CLCN3: variants seen among roughly 807,000 people sequenced by gnomAD.
CLCN3 encodes Cl-/H+ antiporter 3.
CLCN3 carries 16 observed loss-of-function variants against 83.4 expected under a neutral mutation model. The ratio of observed to expected loss-of-function variants is 0.19; its 90% confidence interval spans 0.13 to 0.29. The LOEUF is 0.29. CLCN3 is among the 10% of genes least tolerant of loss of function. CLCN3 has a pLI of 1.00. For synonymous variants in CLCN3, 322 were observed against 346.2 expected, an observed-to-expected ratio of 0.93 and a Z score of 0.78; for missense variants, 544 against 1,006.0, an observed-to-expected ratio of 0.54 and a Z score of 6.21.
At chr4:169,646,731 C>T (rs778463592) in intron 2 of CLCN3, among the ~76,000 whole-genome samples, 1 of 152,104 alleles carries the variant, frequency 6.6e-6, no homozygotes, top group South Asian at 2.1e-4. Flanking sequence ...AAGGGCCCAC[C>T]AAAATGGTAG....
chr4:169,719,178 G>A (rs1171838139), intron 12 of CLCN3, among the ~76,000 whole-genome samples: 2 of 152,310 alleles, frequency 1.3e-5, no homozygotes, highest in African/African-American at 4.8e-5. Flanking sequence ...TTAAAAAAGG[G>A]AAAGTGGCTG....
chr4:169,699,985 T>C (rs1009288891), intron 9 of CLCN3, among the ~76,000 whole-genome samples: 1 of 152,206 alleles, frequency 6.6e-6, no homozygotes, highest in African/African-American at 2.4e-5. Context: ...AAAGCTCTTT[T>C]TCCTACAATA....
Position 169,631,094 on chromosome 4 carries a change from A to G in CLCN3, c.-16-4819A>G, listed in dbSNP as rs116305578. On this transcript the variant is annotated intron_variant, in intron 1 of 12. Transcript: ENST00000513761. ...CCCACTGACAGTGTATAAGCATTCCATAGCCTTGCCAGCATCTGTTGTTTT... is the reference window on the plus strand; with the variant it reads ...CCCACTGACAGTGTATAAGCATTCCGTAGCCTTGCCAGCATCTGTTGTTTT... 6.7e-3 allele frequency among the ~76,000 whole-genome samples: 1,023 copies of G among 152,284 alleles called. 5 individuals are homozygous for G. The highest frequency in any genetic ancestry group is 0.011 in the Non-Finnish European group (743 of 68,014).
intron 1 of CLCN3, among the ~76,000 whole-genome samples, chr4:169,631,691 G>C (rs1014984884): frequency 1.3e-5 from 2 of 152,176 alleles, no homozygotes; most frequent in Admixed American, 1.3e-4. Context: ...TAGATTAACA[G>C]AGAAAGAGAC....
intron 5 of CLCN3, 83 bp downstream of exon 5, chr4:169,689,313 A>T: frequency 8.7e-7 from 1 of 1,153,272 alleles, no homozygotes; most frequent in East Asian, 2.5e-5. Flanking sequence ...AACTAATCAC[A>T]TATTAGATGA....
intron 11 of CLCN3, among the ~76,000 whole-genome samples, chr4:169,710,366 G>A (rs536216022): frequency 3.9e-5 from 6 of 152,202 alleles, no homozygotes; most frequent in East Asian, 3.9e-4. Flanking sequence ...CCTGGCATCC[G>A]GTGATCCTCC....
At chr4:169,648,379 A>G (rs1421164459) in intron 2 of CLCN3, among the ~76,000 whole-genome samples, 2 of 152,198 alleles carry the variant, frequency 1.3e-5, no homozygotes, top group African/African-American at 4.8e-5. Flanking sequence ...GTTTATTTTT[A>G]AAAATGGACT....
chr4:169,623,400 CATT>C (rs908117865), intron 1 of CLCN3, among the ~76,000 whole-genome samples: 2 of 152,100 alleles, frequency 1.3e-5, no homozygotes, highest in Non-Finnish European at 2.9e-5. Context: ...GACAGATAAT[CATT>C]GTGTATATTT....
At chr4:169,697,009 A>T (rs890168017) in intron 8 of CLCN3, among the ~76,000 whole-genome samples, 180 bp from the exon 9 acceptor site, 7 of 152,080 alleles carry the variant, frequency 4.6e-5, no homozygotes, top group African/African-American at 1.7e-4. Context: ...TGTAATGATG[A>T]TCACCATCTC....
intron 2 of CLCN3, among the ~76,000 whole-genome samples, chr4:169,675,598 T>A (rs1483798654): frequency 6.6e-6 from 1 of 152,238 alleles, no homozygotes; most frequent in Non-Finnish European, 1.5e-5. Flanking sequence ...TGAGTAATTT[T>A]TGGCATTAAA....
chr4:169,631,845 A>G (rs923091661), intron 1 of CLCN3, among the ~76,000 whole-genome samples: 1 of 152,178 alleles, frequency 6.6e-6, no homozygotes, highest in Non-Finnish European at 1.5e-5. Context: ...TAAATTCTGG[A>G]AACAGCCTCC....
At chr4:169,661,941 A>G (rs1387579821) in intron 2 of CLCN3, among the ~76,000 whole-genome samples, 1 of 152,142 alleles carries the variant, frequency 6.6e-6, no homozygotes, top group African/African-American at 2.4e-5. Flanking sequence ...CAGTAATTAA[A>G]CTGTAAAACA....
At chr4:169,683,570 A>G (rs1288121673) in intron 3 of CLCN3, among the ~76,000 whole-genome samples, 1 of 152,114 alleles carries the variant, frequency 6.6e-6, no homozygotes, top group African/African-American at 2.4e-5. Flanking sequence ...AAACATTGCA[A>G]ATAGTATAGC....
At chr4:169,710,636 A>G (rs908199644) in intron 11 of CLCN3, among the ~76,000 whole-genome samples, 2 of 152,214 alleles carry the variant, frequency 1.3e-5, no homozygotes, top group Non-Finnish European at 2.9e-5. Flanking sequence ...TACTTTGTAT[A>G]TAAGAGAAAC....
intron 2 of CLCN3, among the ~76,000 whole-genome samples, chr4:169,655,899 T>G (rs1402693224): frequency 6.6e-6 from 1 of 152,226 alleles, no homozygotes; most frequent in Non-Finnish European, 1.5e-5. Flanking sequence ...AAACTAAAAC[T>G]TCTTATGTTT....
chr4:169,722,718 A>G lies in CLCN3; in HGVS notation c.*2721A>G, dbSNP rs959226426. On this transcript the variant is annotated 3_prime_UTR_variant, in exon 13 of 13. Coordinates refer to ENST00000513761, the MANE Select transcript of CLCN3 (RefSeq NM_001829.4). ...TAAAGCATTAATTTTGTTTTTTGGTATATTTCTATCCCTAGTATTTCTATC... is the reference window on the plus strand; with the variant it reads ...TAAAGCATTAATTTTGTTTTTTGGTGTATTTCTATCCCTAGTATTTCTATC... 1 of 152,082 alleles carries G rather than the reference A, an allele frequency of 6.6e-6. No homozygotes were observed. Among genetic ancestry groups the G allele is most frequent in the African/African-American group, 2.4e-5 (1 of 41,402 alleles). The allele number at this position is 152,082 out of a possible 1,614,324, so 9.4% of individuals were successfully genotyped here. A position where few individuals can be genotyped will look rare whatever the true frequency, so the allele number is the denominator to read the frequency against.
intron 9 of CLCN3, among the ~76,000 whole-genome samples, chr4:169,700,349 C>T (rs867154740): frequency 6.6e-6 from 1 of 152,136 alleles, no homozygotes; most frequent in African/African-American, 2.4e-5. Flanking sequence ...CCTCCACCTC[C>T]CAGGTTCAAG....
intron 11 of CLCN3, 115 bp from the exon 12 acceptor site, chr4:169,712,964 A>C: frequency 1.4e-6 from 1 of 710,982 alleles, no homozygotes; most frequent in East Asian, 2.7e-5. Flanking sequence ...GATAGGAAAA[A>C]ATGAAGGGAT....
intron 6 of CLCN3, among the ~76,000 whole-genome samples, 181 bp from the exon 7 acceptor site, chr4:169,691,933 A>G (rs1380653208): frequency 6.6e-6 from 1 of 152,186 alleles, no homozygotes; most frequent in Non-Finnish European, 1.5e-5. Context: ...TTAGATTATA[A>G]TATCAATTTA....
Sources: allele counts gnomAD v4.1 joint callset (sites outside exome capture counted in the v4.1 genomes callset), GRCh38; gene constraint gnomAD v4.1.1; transcripts MANE v1.5; gene names NCBI Gene and HGNC (gene_info 2026-07-23, HGNC 2026-07-21).